ACACA: variants seen among roughly 807,000 people sequenced by gnomAD.
The protein encoded by ACACA is acetyl-CoA carboxylase 1.
In ACACA, 103 loss-of-function variants were observed where a neutral mutation model predicts 296.1. The observed-to-expected ratio is 0.35, with a 90% CI of 0.30 to 0.41. The LOEUF is 0.41. Among genes scored for constraint, ACACA ranks in the 10% least tolerant of loss-of-function variants. ACACA has a pLI of 1.00. For missense variants in ACACA, 1,554 were observed against 2,989.7 expected, an observed-to-expected ratio of 0.52 and a Z score of 11.20; for synonymous variants, 953 against 1,038.6, an observed-to-expected ratio of 0.92 and a Z score of 1.58.
intron 41 of ACACA, among the ~76,000 whole-genome samples, chr17:37,174,020 A>C (rs1201072676): frequency 6.0e-5 from 1 of 16,794 alleles, no homozygotes; most frequent in Non-Finnish European, 9.9e-5. Flanking sequence ...ATATATATAT[A>C]TTTTTTTTTT....
intron 1 of ACACA, among the ~76,000 whole-genome samples, chr17:37,401,318 G>C (rs560993913): frequency 1.4e-4 from 21 of 149,946 alleles, no homozygotes; most frequent in Middle Eastern, 3.5e-3. Context: ...TCAGCCTCCT[G>C]AGTAGCTGGG....
intron 1 of ACACA, among the ~76,000 whole-genome samples, chr17:37,389,799 C>T (rs1465940345): frequency 6.6e-6 from 1 of 151,664 alleles, no homozygotes; most frequent in Admixed American, 6.6e-5. Flanking sequence ...GTGCTGGGAA[C>T]AGGGAGCTGC....
Position 37,087,189 on chromosome 17 carries a change from G to A in ACACA, c.*127C>T. 1 of 1,322,774 alleles carries A rather than the reference G, an allele frequency of 7.6e-7. No individual in the cohort carries two copies. 81.9% of individuals were successfully genotyped at this position (1,322,774 alleles called of 1,614,324 possible). On this transcript the variant is annotated 3_prime_UTR_variant, in exon 56 of 56. Transcript: ENST00000616317. The stretch of plus-strand genomic sequence containing the variant: ...TGTCATGCATAACCTGAAACGAGAG[G>A]AAGTAAAATGCCATTTGACTCCAGT...
intron 29 of ACACA, among the ~76,000 whole-genome samples, chr17:37,218,224 T>C (rs550615447): frequency 7.9e-4 from 119 of 151,126 alleles, no homozygotes; most frequent in Non-Finnish European, 1.2e-3. Context: ...CTGTCTAATA[T>C]AGCAGCCATT....
At chr17:37,325,579 CTTTTTT>C (rs1156553256) in intron 3 of ACACA, among the ~76,000 whole-genome samples, 30 of 67,922 alleles carry the variant, frequency 4.4e-4, no homozygotes, top group African/African-American at 1.8e-3. Flanking sequence ...TCTTTTCTTT[CTTTTTT>C]TTTTTTTTTT....
intron 5 of ACACA, among the ~76,000 whole-genome samples, chr17:37,280,730 A>ACACACACAC (rs1555627667): frequency 6.8e-6 from 1 of 146,374 alleles, no homozygotes; most frequent in African/African-American, 2.5e-5. Context: ...TTACATAGTT[A>ACACACACAC]ACACACACAC....
intron 38 of ACACA, 21 bp from the exon 39 acceptor site, chr17:37,188,501 A>C: frequency 1.9e-6 from 3 of 1,611,854 alleles, no homozygotes; most frequent in Non-Finnish European, 2.5e-6. Flanking sequence ...CACATCACCA[A>C]GCACAAAACT....
At position 37,129,345 on chromosome 17, in the gene ACACA, G is replaced by A; in HGVS notation, c.5944+20C>T. ...AAGCTTAAGAGCCAGGTACCATGGGGTCCTCAAACATATACATACTTGGGT... is the reference window on the plus strand; with the variant it reads ...AAGCTTAAGAGCCAGGTACCATGGGATCCTCAAACATATACATACTTGGGT... On this transcript the variant is annotated intron_variant, in intron 47 of 55. Transcript: ENST00000616317. The A allele has an allele frequency of 1.2e-6, 2 of 1,613,930 alleles. No individual in the cohort carries two copies. Among genetic ancestry groups the A allele is most frequent in the Non-Finnish European group, 1.7e-6 (2 of 1,179,890 alleles).
chr17:37,238,286 CT>C (rs917331380), intron 24 of ACACA, among the ~76,000 whole-genome samples: 413 of 128,260 alleles, frequency 3.2e-3, no homozygotes, highest in Middle Eastern at 8.6e-3. Flanking sequence ...TTTCTTTCCT[CT>C]TTTTTTTTTT....
At chr17:37,281,055 T>C (rs1012882165) in intron 5 of ACACA, among the ~76,000 whole-genome samples, 1 of 138,806 alleles carries the variant, frequency 7.2e-6, no homozygotes, top group African/African-American at 2.9e-5. Flanking sequence ...GCTGTCTTTC[T>C]CTCTTTTTTT....
chr17:37,134,161 G>A (rs996741947), intron 45 of ACACA, among the ~76,000 whole-genome samples: 2 of 152,198 alleles, frequency 1.3e-5, no homozygotes, highest in Admixed American at 6.5e-5. Flanking sequence ...GCAGTCATAC[G>A]TCCATGCTCA....
chr17:37,388,696 C>G, intron 1 of ACACA: 1 of 1,612,414 alleles, frequency 6.2e-7, no homozygotes, highest in Non-Finnish European at 8.5e-7. Flanking sequence ...AGAGAAGAGA[C>G]AGAAATGGAG....
chr17:37,174,020 A>AT lies in ACACA; in HGVS notation c.5079+5239dup, dbSNP rs71159693. Among the ~76,000 whole-genome samples, 55 of 16,792 alleles carry AT rather than the reference A, an allele frequency of 3.3e-3. 3 individuals carry two copies. Among genetic ancestry groups the AT allele is most frequent in the Non-Finnish European group, 4.6e-3 (47 of 10,138 alleles). 11.0% of individuals were successfully genotyped at this position (16,792 alleles called of 152,430 possible). Reference sequence around the variant, plus strand: ...TATATATATATATATATATATATATATTTTTTTTTTTTTTTTTTTTTGTAG... The same window carrying AT: ...TATATATATATATATATATATATATATTTTTTTTTTTTTTTTTTTTTTGTAG... On this transcript the variant is annotated intron_variant, in intron 41 of 55. Transcript: ENST00000616317.
chr17:37,319,870 G>A (rs972170792), intron 3 of ACACA, among the ~76,000 whole-genome samples: 3 of 152,076 alleles, frequency 2.0e-5, no homozygotes, highest in Admixed American at 2.0e-4. Flanking sequence ...AGAATTGCTT[G>A]AACTTGGGAG....
chr17:37,190,165 A>G (rs1175838573), intron 38 of ACACA, among the ~76,000 whole-genome samples: 1 of 152,190 alleles, frequency 6.6e-6, no homozygotes, highest in Non-Finnish European at 1.5e-5. Flanking sequence ...ACGGTGGCTC[A>G]CACCTGTAAT....
At chr17:37,170,746 T>C (rs1250867643) in intron 41 of ACACA, among the ~76,000 whole-genome samples, 1 of 152,188 alleles carries the variant, frequency 6.6e-6, no homozygotes, top group Non-Finnish European at 1.5e-5. Context: ...ACACAAAGTG[T>C]CAACACTAAT....
At chr17:37,130,898 T>C (rs959164551) in intron 45 of ACACA, among the ~76,000 whole-genome samples, 6 of 151,992 alleles carry the variant, frequency 3.9e-5, no homozygotes, top group Non-Finnish European at 8.8e-5. Flanking sequence ...TTTTTCCTTA[T>C]ATTTGATTTT....
intron 33 of ACACA, among the ~76,000 whole-genome samples, chr17:37,202,533 T>C (rs996006630): frequency 6.6e-6 from 1 of 151,718 alleles, no homozygotes; most frequent in Non-Finnish European, 1.5e-5. Context: ...TCAACCTATT[T>C]GATAGTTTAA....
At chr17:37,247,970 T>TA in intron 18 of ACACA, 41 bp downstream of exon 18, 1 of 1,613,040 alleles carries the variant, frequency 6.2e-7, no homozygotes, top group Non-Finnish European at 8.5e-7. Context: ...GAGAAAAGGC[T>TA]AACAGGATGA....
Sources: gnomAD v4.1 joint callset for allele counts (sites outside exome capture counted in the v4.1 genomes callset) on GRCh38, gnomAD v4.1.1 for gene constraint, MANE v1.5 for transcripts, NCBI Gene and HGNC (gene_info 2026-07-23, HGNC 2026-07-21) for gene names.